Variants in ZFAT observed in about 807,000 individuals in gnomAD.
ZFAT encodes the protein zinc finger and AT-hook domain containing.
ZFAT carries 64 observed loss-of-function variants against 117.7 expected under a neutral mutation model. The observed-to-expected ratio is 0.54, with a 90% CI of 0.44 to 0.67. The LOEUF is 0.67. Ranked by LOEUF, ZFAT falls within the 30% of genes least tolerant of loss-of-function variation. The probability of loss-of-function intolerance (pLI) is 0.00; values close to 1 mark genes in which losing one functional copy is unlikely to be tolerated. For missense variants in ZFAT, 1,433 were observed against 1,584.5 expected, an observed-to-expected ratio of 0.90 and a Z score of 1.62; for synonymous variants, 679 against 615.0, an observed-to-expected ratio of 1.10 and a Z score of -1.54.
chr8:134,681,229 C>T (rs1179517134), intron 1 of ZFAT, among the ~76,000 whole-genome samples: 4 of 152,122 alleles, frequency 2.6e-5, no homozygotes, highest in Non-Finnish European at 5.9e-5. Flanking sequence ...TTGCCCAGTA[C>T]CTTCTATACC....
chr8:134,695,941 C>T (rs895098568), intron 1 of ZFAT, among the ~76,000 whole-genome samples: 6 of 151,672 alleles, frequency 4.0e-5, no homozygotes, highest in African/African-American at 1.5e-4. Flanking sequence ...AGGCCCTACC[C>T]GCATCTCTAA....
At chr8:134,790,270 C>T in the ZFAT span, among the ~76,000 whole-genome samples, 1 of 152,146 alleles carries the variant, frequency 6.6e-6, no homozygotes, top group African/African-American at 2.4e-5. Context: ...AGGCTCTTGT[C>T]CAGCCATGAA....
chr8:134,736,742 C>T, the ZFAT span, among the ~76,000 whole-genome samples: 1 of 152,076 alleles, frequency 6.6e-6, no homozygotes, highest in Non-Finnish European at 1.5e-5. Flanking sequence ...TGCGTACCAC[C>T]ACACCCAGCT....
chr8:134,680,773 G>A (rs532605384), intron 1 of ZFAT, among the ~76,000 whole-genome samples: 2 of 152,168 alleles, frequency 1.3e-5, no homozygotes, highest in South Asian at 2.1e-4. Flanking sequence ...TAATACTAAC[G>A]TACCTGATGC....
chr8:134,723,996 C>T, the ZFAT span: 2 of 152,312 alleles, frequency 1.3e-5, no homozygotes, highest in East Asian at 1.9e-4. Context: ...AAGCTATCTA[C>T]GTGGACAAAA....
At chr8:134,617,307 C>G (rs1312235187) in intron 3 of ZFAT, among the ~76,000 whole-genome samples, 1 of 152,152 alleles carries the variant, frequency 6.6e-6, no homozygotes. Flanking sequence ...TCCCAATGAA[C>G]AAAGCCCTCC....
chr8:134,687,415 A>T (rs571240434), intron 1 of ZFAT, among the ~76,000 whole-genome samples: 1 of 152,356 alleles, frequency 6.6e-6, no homozygotes, highest in Admixed American at 6.5e-5. Flanking sequence ...TTCCATGTTG[A>T]AACTTGGCAT....
At chr8:134,529,898 T>G (rs1160843779) in intron 12 of ZFAT, among the ~76,000 whole-genome samples, 8 of 152,130 alleles carry the variant, frequency 5.3e-5, no homozygotes, top group South Asian at 2.1e-4. Context: ...CCACCCAAAC[T>G]CCATGGAGAA....
At position 134,634,377 on chromosome 8, in the gene ZFAT, T is replaced by C. The variant is rs945024435; in HGVS notation, c.448+3084A>G. On this transcript the variant is annotated intron_variant, in intron 3 of 15. Transcript: ENST00000377838. ...CAGTGAAATTTTGGAATATTTTCACTTTCTTAGTATTTTCTGTTTCATTAC... is the reference window on the plus strand; with the variant it reads ...CAGTGAAATTTTGGAATATTTTCACCTTCTTAGTATTTTCTGTTTCATTAC... Among the ~76,000 whole-genome samples the C allele has an allele frequency of 6.6e-5, 10 of 152,236 alleles. No individual in the cohort carries two copies. The South Asian group carries it at 2.1e-3, about 32-fold the overall frequency.
At chr8:134,797,980 ACATTT>A in the ZFAT span, 1 of 136,046 alleles carries the variant, frequency 7.4e-6, no homozygotes, top group African/African-American at 2.9e-5. Flanking sequence ...AACACTTTTG[ACATTT>A]ACTAAAAAAA....
chr8:134,832,063 C>A, the ZFAT span, among the ~76,000 whole-genome samples: 7 of 148,310 alleles, frequency 4.7e-5, no homozygotes, highest in Non-Finnish European at 7.5e-5. Flanking sequence ...CCCCGCGCCC[C>A]GAGCCCGAGG....
In ZFAT at chr8:134,694,003, C is replaced by A. The variant is rs4909608; in HGVS notation, c.19+18842G>T. Among the ~76,000 whole-genome samples, 1,168 of 152,220 alleles carry A rather than the reference C, an allele frequency of 7.7e-3. 6 individuals carry two copies. The highest frequency in any genetic ancestry group is 0.012 in the Non-Finnish European group (796 of 68,012). The stretch of plus-strand genomic sequence containing the variant: ...AAATGCAGAATTTAAATCCACTCAC[C>A]AGGAAGCATTACACACAGCCAAAGG... On this transcript the variant is annotated intron_variant, in intron 1 of 15. Transcript: ENST00000377838.
chr8:134,738,399 T>A, the ZFAT span, among the ~76,000 whole-genome samples: 1 of 152,220 alleles, frequency 6.6e-6, no homozygotes, highest in African/African-American at 2.4e-5. Context: ...GTAAGGGTTA[T>A]CTTGGGAGGA....
chr8:134,573,683 T>C (rs1223802289), intron 10 of ZFAT, among the ~76,000 whole-genome samples: 1 of 152,260 alleles, frequency 6.6e-6, no homozygotes, highest in Non-Finnish European at 1.5e-5. Flanking sequence ...TTTCCATTGT[T>C]TCTGTTCATC....
At chr8:134,565,205 C>T (rs1370619096) in intron 11 of ZFAT, 128 bp downstream of exon 11, 6 of 1,544,156 alleles carry the variant, frequency 3.9e-6, no homozygotes, top group Middle Eastern at 1.7e-4. Context: ...TCCACGTGTA[C>T]CAGCTAAGGG....
At chr8:134,597,078 CA>C (rs199719226) in intron 7 of ZFAT, among the ~76,000 whole-genome samples, 13 of 151,210 alleles carry the variant, frequency 8.6e-5, no homozygotes, top group Non-Finnish European at 8.8e-5. Flanking sequence ...AAGCTGTTAC[CA>C]AAAAAAATCC....
At chr8:134,789,511 C>T in the ZFAT span, among the ~76,000 whole-genome samples, 1 of 152,162 alleles carries the variant, frequency 6.6e-6, no homozygotes, top group Non-Finnish European at 1.5e-5. Context: ...ATTTTTCACT[C>T]AAAAGTCTTA....
intron 10 of ZFAT, among the ~76,000 whole-genome samples, chr8:134,573,285 CTTTAA>C (rs1378675254): frequency 6.6e-6 from 1 of 151,972 alleles, no homozygotes; most frequent in African/African-American, 2.4e-5. Flanking sequence ...GTACGTGTTA[CTTTAA>C]TTTAAAAAAC....
At chr8:134,689,509 C>T (rs1408946802) in intron 1 of ZFAT, among the ~76,000 whole-genome samples, 2 of 152,222 alleles carry the variant, frequency 1.3e-5, no homozygotes, top group Non-Finnish European at 2.9e-5. Flanking sequence ...AATGCTGACT[C>T]TACCCAGCCT....
Sources: gnomAD v4.1 joint callset for allele counts (sites outside exome capture counted in the v4.1 genomes callset) on GRCh38, gnomAD v4.1.1 for gene constraint, MANE v1.5 for transcripts, NCBI Gene and HGNC (gene_info 2026-07-23, HGNC 2026-07-21) for gene names.